Variants in CPNE8 observed in about 807,000 individuals in gnomAD.
CPNE8 encodes copine 8.
CPNE8 carries 45 observed loss-of-function variants against 81.5 expected under a neutral mutation model. That is an observed-to-expected ratio of 0.55 (90% CI 0.44 to 0.71). The LOEUF is 0.71. Ranked by LOEUF, CPNE8 falls within the 30% of genes least tolerant of loss-of-function variation. The pLI, the probability that CPNE8 is intolerant of heterozygous loss-of-function variation, is 0.00. For missense variants in CPNE8, 594 were observed against 672.1 expected (o/e 0.88, Z 1.28); for synonymous variants, 252 against 226.3 (o/e 1.11, Z -1.02).
At chr12:38,883,983 G>C (rs952795156) in intron 1 of CPNE8, among the ~76,000 whole-genome samples, 1 of 152,150 alleles carries the variant, frequency 6.6e-6, no homozygotes, top group Admixed American at 6.5e-5. Context: ...CCGTTCACTT[G>C]AGCAATATTT....
At chr12:38,749,956 G>A (rs988728054) in intron 10 of CPNE8, among the ~76,000 whole-genome samples, 1 of 152,180 alleles carries the variant, frequency 6.6e-6, no homozygotes, top group Non-Finnish European at 1.5e-5. Context: ...GGGCATATCA[G>A]AGGTCTTCAT....
At chr12:38,901,584 A>T (rs920410370) in intron 1 of CPNE8, among the ~76,000 whole-genome samples, 4 of 152,236 alleles carry the variant, frequency 2.6e-5, no homozygotes, top group Non-Finnish European at 5.9e-5. Flanking sequence ...AAAATCTACA[A>T]ATTTATACAA....
intron 3 of CPNE8, among the ~76,000 whole-genome samples, chr12:38,852,366 T>G (rs1206402198): frequency 2.0e-5 from 3 of 147,922 alleles, no homozygotes; most frequent in African/African-American, 5.0e-5. Flanking sequence ...GAAGTGGAGC[T>G]TGCAGTGAGC....
intron 4 of CPNE8, among the ~76,000 whole-genome samples, chr12:38,845,526 T>C (rs1943542553): frequency 6.7e-6 from 1 of 149,990 alleles, no homozygotes; most frequent in Non-Finnish European, 1.5e-5. Context: ...TATTTTCCAA[T>C]TTTTTTACCA....
chr12:38,741,891 A>G (rs1278037712), intron 10 of CPNE8, among the ~76,000 whole-genome samples: 1 of 152,172 alleles, frequency 6.6e-6, no homozygotes, highest in African/African-American at 2.4e-5. Context: ...CTCAAAAGGA[A>G]ACATTTATGC....
chr12:38,663,495 A>T (rs953434719), intron 19 of CPNE8, among the ~76,000 whole-genome samples: 3 of 152,048 alleles, frequency 2.0e-5, no homozygotes, highest in African/African-American at 7.2e-5. Context: ...TACCAAAAAG[A>T]CAAAAATGTC....
intron 10 of CPNE8, among the ~76,000 whole-genome samples, chr12:38,739,634 T>G (rs542197565): frequency 3.9e-5 from 6 of 152,276 alleles, no homozygotes; most frequent in Admixed American, 3.3e-4. Context: ...TCTAATAATT[T>G]TTTTCACCCC....
chr12:38,808,326 T>C (rs140183664), intron 6 of CPNE8, among the ~76,000 whole-genome samples: 215 of 152,126 alleles, frequency 1.4e-3, no homozygotes, highest in African/African-American at 5.0e-3. Context: ...CACGGCACTA[T>C]TCACAATAGC....
intron 4 of CPNE8, among the ~76,000 whole-genome samples, chr12:38,842,904 C>G (rs1274901624): frequency 6.6e-6 from 1 of 152,092 alleles, no homozygotes; most frequent in African/African-American, 2.4e-5. Flanking sequence ...TCTTTTAACA[C>G]AATTTTTCTT....
chr12:38,717,458 T>TATATATATATATATATATATAC (rs1339046227), intron 13 of CPNE8, among the ~76,000 whole-genome samples: 4 of 138,732 alleles, frequency 2.9e-5, no homozygotes, highest in African/African-American at 8.0e-5. Context: ...TATATATATA[T>TATATATATATATATATATATAC]ACACCATGGA....
In CPNE8 at chr12:38,652,441, A is replaced by ATG. The variant is rs1298194150; in HGVS notation, c.*1439_*1440dup. On this transcript the variant is annotated 3_prime_UTR_variant, in exon 20 of 20. Coordinates refer to ENST00000331366, the MANE Select transcript of CPNE8 (RefSeq NM_153634.3). ...AACATTGATACTGTTAGATATGTGG[A>ATG]TGTATATATTTTTCTTTCCAGTAAA... The ATG allele has an allele frequency of 2.0e-5, 3 of 152,618 alleles. No individual in the cohort carries two copies. Among genetic ancestry groups the ATG allele is most frequent in the African/African-American group, 7.2e-5 (3 of 41,458 alleles). The allele number at this position is 152,618 out of a possible 1,614,324, so 9.5% of individuals were successfully genotyped here. A position where few individuals can be genotyped will look rare whatever the true frequency, so the allele number is the denominator to read the frequency against.
chr12:38,689,482 G>A (rs1939618588), intron 15 of CPNE8, among the ~76,000 whole-genome samples: 1 of 152,192 alleles, frequency 6.6e-6, no homozygotes, highest in African/African-American at 2.4e-5. Flanking sequence ...ACTCTGAAAT[G>A]TGACTGTTGC....
rs749406707 is a variant in CPNE8, at chr12:38,760,451, A to ATATATATATATATATATATATG, written c.722+395_722+396insCATATATATATATATATATATA. Among the ~76,000 whole-genome samples, 64 of 120,166 alleles carry ATATATATATATATATATATATG rather than the reference A, an allele frequency of 5.3e-4. 1 individual carries two copies. Among genetic ancestry groups the ATATATATATATATATATATATG allele is most frequent in the East Asian group, 3.7e-3 (17 of 4,548 alleles). The allele number at this position is 120,166 out of a possible 152,430, so 78.8% of individuals were successfully genotyped here. On this transcript the variant is annotated intron_variant, in intron 10 of 19. Transcript: ENST00000331366. Reference sequence around the variant, plus strand: ...GTATGGTGTGTATATATATATATATATGTGTGTGTATATAGGCAGAGTTGG... The same window carrying ATATATATATATATATATATATG: ...GTATGGTGTGTATATATATATATATATATATATATATATATATATATGTGTGTGTGTATATAGGCAGAGTTGG...
At chr12:38,719,595 A>AAG (rs1243676692) in intron 13 of CPNE8, among the ~76,000 whole-genome samples, 4 of 151,338 alleles carry the variant, frequency 2.6e-5, no homozygotes, top group Admixed American at 1.3e-4. Context: ...AAAAAAAAAA[A>AAG]AAAAAAGAAA....
rs1202186403 is a variant in CPNE8 at position 38,878,268 on chromosome 12, T to C, written c.99-3757A>G. Among the ~76,000 whole-genome samples the C allele has an allele frequency of 2.6e-5, 4 of 152,164 alleles. No homozygotes were observed. The East Asian group carries it at 5.8e-4, about 22-fold the overall frequency. On this transcript the variant is annotated intron_variant, in intron 1 of 19. Transcript: ENST00000331366. Reference sequence around the variant, plus strand: ...CTTTATTGACTCACCTCGAAATCTTTCTTGGGCAACATCCAAGAACCCTTT... The same window carrying C: ...CTTTATTGACTCACCTCGAAATCTTCCTTGGGCAACATCCAAGAACCCTTT...
chr12:38,716,288 T>G (rs1940389588), intron 13 of CPNE8, among the ~76,000 whole-genome samples: 1 of 151,756 alleles, frequency 6.6e-6, no homozygotes. Flanking sequence ...ACAGAATGAG[T>G]AAACACTATC....
intron 13 of CPNE8, among the ~76,000 whole-genome samples, chr12:38,703,425 C>G (rs777643487): frequency 8.5e-5 from 13 of 152,058 alleles, no homozygotes; most frequent in Non-Finnish European, 1.8e-4. Context: ...TGATAAAACC[C>G]TCAAGAAGCT....
At chr12:38,739,563 T>A (rs1197783980) in intron 10 of CPNE8, among the ~76,000 whole-genome samples, 7 of 152,170 alleles carry the variant, frequency 4.6e-5, no homozygotes, top group African/African-American at 1.7e-4. Flanking sequence ...CCTGCAAAAA[T>A]AATGTCTGGC....
rs183662113 is a variant in CPNE8, at chr12:38,655,434, T to C, written c.1507-1364A>G. Among the ~76,000 whole-genome samples, 470 of 152,312 alleles carry C rather than the reference T, an allele frequency of 3.1e-3. 5 individuals are homozygous for C. Among genetic ancestry groups the C allele is most frequent in the South Asian group, 7.0e-3 (34 of 4,832 alleles). ...ATGTTGTGATAATTTAAGAGCACAG[T>C]AATTTTTGGTCTTCAGAGAAAAGGC... On this transcript the variant is annotated intron_variant, in intron 19 of 19. Coordinates refer to ENST00000331366, the MANE Select transcript of CPNE8 (RefSeq NM_153634.3).
Sources: gnomAD v4.1 joint callset for allele counts (sites outside exome capture counted in the v4.1 genomes callset) on GRCh38, gnomAD v4.1.1 for gene constraint, MANE v1.5 for transcripts, NCBI Gene and HGNC (gene_info 2026-07-23, HGNC 2026-07-21) for gene names.